Variants in PTPRR observed in about 807,000 individuals in gnomAD.
PTPRR encodes the protein receptor-type tyrosine-protein phosphatase R.
Under a neutral mutation model 77.2 loss-of-function variants are expected in PTPRR, and 38 were observed. The ratio of observed to expected loss-of-function variants is 0.49; its 90% CI spans 0.38 to 0.65. PTPRR has a LOEUF of 0.65. Among genes scored for constraint, PTPRR ranks in the 30% least tolerant of loss-of-function variants. The probability of loss-of-function intolerance (pLI) is 0.00; values close to 1 mark genes in which losing one functional copy is unlikely to be tolerated. For missense variants in PTPRR, 744 were observed against 799.2 expected, an observed-to-expected ratio of 0.93 and a Z score of 0.83; for synonymous variants, 299 against 283.1, an observed-to-expected ratio of 1.06 and a Z score of -0.57.
intron 2 of PTPRR, among the ~76,000 whole-genome samples, chr12:70,875,881 G>A (rs1592808612): frequency 6.6e-6 from 1 of 152,066 alleles, no homozygotes; most frequent in Admixed American, 6.6e-5. Context: ...TTGCATGAGA[G>A]GAATTCCAAG....
At chr12:70,717,106 C>T (rs1248467627) in intron 6 of PTPRR, among the ~76,000 whole-genome samples, 1 of 152,146 alleles carries the variant, frequency 6.6e-6, no homozygotes, top group Non-Finnish European at 1.5e-5. Flanking sequence ...TATTCTTCCT[C>T]AGGTATTGTT....
chr12:70,882,185 A>G (rs2137105414), intron 2 of PTPRR, among the ~76,000 whole-genome samples: 1 of 152,354 alleles, frequency 6.6e-6, no homozygotes, highest in Non-Finnish European at 1.5e-5. Context: ...TGCGCAAGAG[A>G]AAGTGAAGAG....
intron 6 of PTPRR, among the ~76,000 whole-genome samples, chr12:70,711,082 A>G (rs1316721815): frequency 6.6e-6 from 1 of 152,218 alleles, no homozygotes; most frequent in Non-Finnish European, 1.5e-5. Flanking sequence ...ATAAAGACAC[A>G]TTCACACATA....
At chr12:70,665,130 T>C (rs112373470) in intron 10 of PTPRR, among the ~76,000 whole-genome samples, 71 of 152,280 alleles carry the variant, frequency 4.7e-4, no homozygotes, top group African/African-American at 1.4e-3. Context: ...TAGCAGAATA[T>C]AACCCCAAAT....
chr12:70,644,323 T>A (rs1886118177), intron 13 of PTPRR, among the ~76,000 whole-genome samples: 1 of 151,954 alleles, frequency 6.6e-6, no homozygotes, highest in South Asian at 2.1e-4. Flanking sequence ...TAAGCAGGAG[T>A]TAGTTTACCA....
intron 2 of PTPRR, among the ~76,000 whole-genome samples, chr12:70,820,743 T>C (rs2470376): frequency 0.2 from 30,958 of 152,122 alleles, 5,023 homozygotes; most frequent in African/African-American, 0.45. Context: ...CTTGGTATCT[T>C]ATCACTTTCA....
chr12:70,823,557 A>T (rs79469694), intron 2 of PTPRR, among the ~76,000 whole-genome samples: 8,865 of 152,176 alleles, frequency 0.058, 322 homozygotes, highest in Non-Finnish European at 0.078. Flanking sequence ...TTGTTTTTTA[A>T]CAACTTGTAC....
rs1318704522 is a variant in PTPRR, at chr12:70,804,137, C to CTGTGTGTGTGTG, written c.358-39360_358-39359insCACACACACACA. Among the ~76,000 whole-genome samples, 6 of 55,172 alleles carry CTGTGTGTGTGTG rather than the reference C, an allele frequency of 1.1e-4. No individual in the cohort carries two copies. In the South Asian group the frequency reaches 5.0e-3, roughly 46 times the overall value. 36.2% of individuals were successfully genotyped at this position (55,172 alleles called of 152,430 possible). A position where few individuals can be genotyped will look rare whatever the true frequency, so the allele number is the denominator to read the frequency against. On this transcript the variant is annotated intron_variant, in intron 2 of 13. Coordinates refer to ENST00000283228, the MANE Select transcript of PTPRR (RefSeq NM_002849.4). ...CCTGTCTTGTTTCACCTGTTCCTGG[C>CTGTGTGTGTGTG]TCTGTGTGTGTGTGTGTGTGTGTGT...
intron 6 of PTPRR, among the ~76,000 whole-genome samples, chr12:70,722,087 G>C (rs574024597): frequency 6.6e-6 from 1 of 152,212 alleles, no homozygotes; most frequent in East Asian, 1.9e-4. Flanking sequence ...ATCTGTCCCG[G>C]CTATGCGCCC....
chr12:70,749,434 G>A (rs1254029169), intron 5 of PTPRR, among the ~76,000 whole-genome samples: 1 of 152,084 alleles, frequency 6.6e-6, no homozygotes, highest in Non-Finnish European at 1.5e-5. Context: ...GTACCAATAA[G>A]TGTGCAATAA....
At chr12:70,798,066 A>C (rs1030624348) in intron 2 of PTPRR, among the ~76,000 whole-genome samples, 1 of 152,198 alleles carries the variant, frequency 6.6e-6, no homozygotes. Context: ...AAGGAATCTC[A>C]AATTCAAGGT....
chr12:70,754,177 A>G lies in PTPRR; in HGVS notation c.738+14T>C, dbSNP rs1890493823. Reference sequence around the variant, plus strand: ...GCTGAGCAAAGGATAAAATATACAAAGAAGCAAACTTACCATCAAACACGT... The same window carrying G: ...GCTGAGCAAAGGATAAAATATACAAGGAAGCAAACTTACCATCAAACACGT... On this transcript the variant is annotated intron_variant, in intron 5 of 13. Transcript: ENST00000283228. 5.6e-6 allele frequency: 9 copies of G among 1,610,360 alleles called. No individual in the cohort carries two copies. Among genetic ancestry groups the G allele is most frequent in the Non-Finnish European group, 5.1e-6 (6 of 1,178,564 alleles).
At position 70,895,076 on chromosome 12, in the gene PTPRR, A is replaced by T. The variant is rs181072614; in HGVS notation, c.59-2099T>A. Among the ~76,000 whole-genome samples, 313 of 151,836 alleles carry T rather than the reference A, an allele frequency of 2.1e-3. 1 individual carries two copies. Among genetic ancestry groups the T allele is most frequent in the Non-Finnish European group, 3.0e-3 (206 of 67,746 alleles). ...GAAAATAACCCATCTTTATAACCCC[A>T]CATGAAAGTTGAAGGGATACGGGTG... On this transcript the variant is annotated intron_variant, in intron 1 of 13. Coordinates refer to ENST00000283228, the MANE Select transcript of PTPRR (RefSeq NM_002849.4).
intron 6 of PTPRR, among the ~76,000 whole-genome samples, chr12:70,730,874 G>C (rs1592713080): frequency 6.7e-6 from 1 of 149,870 alleles, no homozygotes; most frequent in South Asian, 2.1e-4. Context: ...GAAGGAGATA[G>C]AGAAAGAGAG....
At chr12:70,641,337 C>T (rs1462383309) in intron 13 of PTPRR, among the ~76,000 whole-genome samples, 1 of 152,206 alleles carries the variant, frequency 6.6e-6, no homozygotes, top group African/African-American at 2.4e-5. Context: ...ATTTACCTCA[C>T]TTTGAGGCAA....
chr12:70,686,733 C>G (rs1887884575), intron 8 of PTPRR, among the ~76,000 whole-genome samples: 2 of 152,122 alleles, frequency 1.3e-5, no homozygotes, highest in African/African-American at 4.8e-5. Context: ...TGAATGAGCC[C>G]TCTTAGAAGC....
chr12:70,836,357 G>A (rs1181488574), intron 2 of PTPRR, among the ~76,000 whole-genome samples: 3 of 148,572 alleles, frequency 2.0e-5, no homozygotes, highest in Non-Finnish European at 3.0e-5. Flanking sequence ...CTGCCTGCCT[G>A]GAAACGCCCT....
At chr12:70,858,869 A>G (rs1448115060) in intron 2 of PTPRR, among the ~76,000 whole-genome samples, 1 of 151,934 alleles carries the variant, frequency 6.6e-6, no homozygotes, top group Non-Finnish European at 1.5e-5. Flanking sequence ...AGTCCTGATA[A>G]CTGCCTATAC....
chr12:70,665,475 G>A (rs549338767), intron 10 of PTPRR, among the ~76,000 whole-genome samples: 23 of 139,032 alleles, frequency 1.7e-4, no homozygotes, highest in Non-Finnish European at 2.6e-4. Flanking sequence ...TCCACCTCCC[G>A]GGTTCAAGCG....
Sources: gnomAD v4.1 joint callset for allele counts (sites outside exome capture counted in the v4.1 genomes callset) on GRCh38, gnomAD v4.1.1 for gene constraint, MANE v1.5 for transcripts, NCBI Gene and HGNC (gene_info 2026-07-23, HGNC 2026-07-21) for gene names.